Variants in NRG3 observed in about 807,000 individuals in gnomAD.
NRG3 encodes pro-neuregulin-3, membrane-bound isoform.
Under a neutral mutation model 66.9 loss-of-function variants are expected in NRG3, and 31 were observed. That is an observed-to-expected ratio of 0.46 (90% confidence interval 0.35 to 0.63). The LOEUF (loss-of-function observed/expected upper bound fraction) is 0.63. NRG3 is among the 20% of genes least tolerant of loss of function. The pLI is 0.00. For synonymous variants in NRG3, 393 were observed against 359.4 expected, an observed-to-expected ratio of 1.09 and a Z score of -1.06; for missense variants, 910 against 878.9, an observed-to-expected ratio of 1.04 and a Z score of -0.45.
At chr10:81,876,389 G>A (rs926549326) in intron 1 of NRG3, among the ~76,000 whole-genome samples, 4 of 152,086 alleles carry the variant, frequency 2.6e-5, no homozygotes, top group African/African-American at 7.2e-5. Flanking sequence ...AGATTGTCAG[G>A]CTCCACTGGC....
intron 2 of NRG3, among the ~76,000 whole-genome samples, chr10:82,606,898 C>A (rs2048001573): frequency 6.6e-6 from 1 of 152,182 alleles, no homozygotes; most frequent in Admixed American, 6.6e-5. Flanking sequence ...TCTTCATCTC[C>A]CTGTCCTGTG....
chr10:82,903,879 A>G (rs1844469241), intron 4 of NRG3, among the ~76,000 whole-genome samples: 1 of 152,116 alleles, frequency 6.6e-6, no homozygotes, highest in South Asian at 2.1e-4. Context: ...GCTCGACTGT[A>G]CATTACATAT....
At chr10:82,273,382 G>T (rs373229233) in intron 1 of NRG3, among the ~76,000 whole-genome samples, 1 of 151,998 alleles carries the variant, frequency 6.6e-6, no homozygotes, top group East Asian at 1.9e-4. Flanking sequence ...TTCATACTTT[G>T]TGCTTTCCTT....
At chr10:82,255,053 G>T (rs575939543) in intron 1 of NRG3, among the ~76,000 whole-genome samples, 1 of 152,100 alleles carries the variant, frequency 6.6e-6, no homozygotes, top group Non-Finnish European at 1.5e-5. Flanking sequence ...ACCCCAGCCC[G>T]GTAATCAAGG....
At chr10:82,132,280 C>T (rs952840106) in intron 1 of NRG3, among the ~76,000 whole-genome samples, 2 of 150,732 alleles carry the variant, frequency 1.3e-5, no homozygotes, top group Non-Finnish European at 3.0e-5. Context: ...TTTTCAATAT[C>T]AATGGAAATA....
chr10:82,266,942 G>A (rs934610642), intron 1 of NRG3, among the ~76,000 whole-genome samples: 2 of 152,144 alleles, frequency 1.3e-5, no homozygotes, highest in Non-Finnish European at 2.9e-5. Flanking sequence ...CTAGAGTCTA[G>A]GGGAGTGATT....
intron 1 of NRG3, among the ~76,000 whole-genome samples, chr10:82,089,464 G>T (rs555453024): frequency 6.6e-6 from 1 of 152,230 alleles, no homozygotes; most frequent in East Asian, 1.9e-4. Flanking sequence ...AATCTGGGCT[G>T]TCAGGGAAGG....
chr10:82,539,142 A>G (rs1472721650), intron 2 of NRG3, among the ~76,000 whole-genome samples: 1 of 152,236 alleles, frequency 6.6e-6, no homozygotes, highest in Non-Finnish European at 1.5e-5. Flanking sequence ...CATTGTCTCC[A>G]TTTAGAGCAA....
In NRG3 at chr10:82,001,015, C is replaced by G. The variant is rs532365700; in HGVS notation, c.823+124852C>G. Among the ~76,000 whole-genome samples the G allele has an allele frequency of 2.6e-5, 4 of 152,158 alleles. No homozygotes were observed. The East Asian group carries it at 7.7e-4, about 29-fold the overall frequency. The stretch of plus-strand genomic sequence containing the variant: ...CAAACTAAAACTAAACAAACATTGC[C>G]GTGTTTTCAACTGTTTCTTTTTTAT... On this transcript the variant is annotated intron_variant, in intron 1 of 8. Transcript: ENST00000372141.
rs1039074 is a variant in NRG3, at chr10:82,847,400, A to C, written c.1028-18011A>C. ...CAAATAGCAATGTCTACCAAATTAG[A>C]TATATTATCTAATTTAATTGTTTTA... On this transcript the variant is annotated intron_variant, in intron 3 of 8. Transcript: ENST00000372141. Among the ~76,000 whole-genome samples, 7 of 152,030 alleles carry C rather than the reference A, an allele frequency of 4.6e-5. No individual in the cohort carries two copies. The South Asian group carries it at 1.0e-3, about 23-fold the overall frequency.
intron 2 of NRG3, among the ~76,000 whole-genome samples, chr10:82,675,388 G>A (rs1181276951): frequency 6.6e-6 from 1 of 152,170 alleles, no homozygotes; most frequent in Non-Finnish European, 1.5e-5. Flanking sequence ...ATAGTTTCTG[G>A]TGGGGCCACA....
chr10:82,976,469 CTCA>C (rs1852264305), intron 7 of NRG3, among the ~76,000 whole-genome samples: 1 of 152,126 alleles, frequency 6.6e-6, no homozygotes, highest in South Asian at 2.1e-4. Flanking sequence ...GATAGAGGAA[CTCA>C]TCGTGCTGAG....
intron 2 of NRG3, among the ~76,000 whole-genome samples, chr10:82,509,016 A>G (rs1844928772): frequency 6.6e-6 from 1 of 152,232 alleles, no homozygotes; most frequent in Non-Finnish European, 1.5e-5. Flanking sequence ...ACATAACTTT[A>G]TCTCTTAATC....
rs142622411 is a variant in NRG3, at chr10:82,965,702, C to G, written c.1284+6627C>G. 5.9e-5 allele frequency among the ~76,000 whole-genome samples: 9 copies of G among 152,246 alleles called. 1 individual carries two copies. The Middle Eastern group carries it at 0.01, about 173-fold the overall frequency. ...AGTGAGCCGAGATCAAGACACTGCA[C>G]TCCAGCCTGGGCAACAGAGTAAGAC... On this transcript the variant is annotated intron_variant, in intron 6 of 8. Coordinates refer to ENST00000372141, the MANE Select transcript of NRG3 (RefSeq NM_001010848.4).
At chr10:82,424,595 T>G (rs1417367176) in intron 2 of NRG3, among the ~76,000 whole-genome samples, 1 of 152,096 alleles carries the variant, frequency 6.6e-6, no homozygotes, top group Non-Finnish European at 1.5e-5. Context: ...AATTATCTTT[T>G]CATTTTATAA....
At chr10:81,971,877 A>G (rs79333542) in intron 1 of NRG3, among the ~76,000 whole-genome samples, 2 of 152,204 alleles carry the variant, frequency 1.3e-5, no homozygotes, top group African/African-American at 2.4e-5. Flanking sequence ...AAGCATAGAC[A>G]TGTGATAGAA....
intron 1 of NRG3, among the ~76,000 whole-genome samples, chr10:82,043,135 A>G (rs1200815358): frequency 6.6e-6 from 1 of 152,056 alleles, no homozygotes; most frequent in Non-Finnish European, 1.5e-5. Flanking sequence ...TCTTAAACCC[A>G]GAATTATTAT....
intron 3 of NRG3, among the ~76,000 whole-genome samples, chr10:82,818,793 T>G (rs2061826887): frequency 6.6e-6 from 1 of 152,186 alleles, no homozygotes; most frequent in South Asian, 2.1e-4. Flanking sequence ...TCACACCTCT[T>G]CCTGCTTTTC....
intron 2 of NRG3, among the ~76,000 whole-genome samples, chr10:82,448,332 A>G (rs1342968721): frequency 6.6e-6 from 1 of 152,222 alleles, no homozygotes; most frequent in Non-Finnish European, 1.5e-5. Flanking sequence ...AGAAAACACT[A>G]GGGAAAAGAA....
Sources: allele counts gnomAD v4.1 joint callset (sites outside exome capture counted in the v4.1 genomes callset), GRCh38; gene constraint gnomAD v4.1.1; transcripts MANE v1.5; gene names NCBI Gene and HGNC (gene_info 2026-07-23, HGNC 2026-07-21).